Variants in ATP13A3 observed in about 807,000 individuals in gnomAD.
ATP13A3 encodes the protein ATPase 13A3, also known as polyamine-transporting ATPase 13A3.
Under a neutral mutation model 158.1 loss-of-function variants are expected in ATP13A3, and 59 were observed. That is an observed-to-expected ratio of 0.37 (90% CI 0.30 to 0.46). ATP13A3 has a LOEUF of 0.46. Among genes scored for constraint, ATP13A3 ranks in the 20% least tolerant of loss-of-function variants. ATP13A3 has a pLI of 1.00. For synonymous variants in ATP13A3, 491 were observed against 504.3 expected (o/e 0.97, Z 0.35); for missense variants, 1,166 against 1,525.2 (o/e 0.76, Z 3.92).
chr3:194,482,621 C>T (rs1011679559), intron 2 of ATP13A3, among the ~76,000 whole-genome samples: 14 of 152,160 alleles, frequency 9.2e-5, no homozygotes, highest in East Asian at 3.8e-4. Context: ...AAAACTCAAA[C>T]GAGAACCTAA....
At chr3:194,406,305 C>A (rs1273284799) in intron 33 of ATP13A3, among the ~76,000 whole-genome samples, 189 bp from the exon 34 acceptor site, 2 of 151,994 alleles carry the variant, frequency 1.3e-5, no homozygotes, top group African/African-American at 4.8e-5. Flanking sequence ...TGGCTCATGT[C>A]CGAAATCCCA....
At chr3:194,459,312 T>C (rs937764952) in intron 6 of ATP13A3, 159 bp downstream of exon 6, 4 of 618,086 alleles carry the variant, frequency 6.5e-6, no homozygotes, top group South Asian at 1.9e-5. Flanking sequence ...AAATGGCTAA[T>C]GAGCCTTCAA....
chr3:194,452,708 C>G (rs1025173754), intron 10 of ATP13A3: 2 of 152,170 alleles, frequency 1.3e-5, no homozygotes, highest in East Asian at 1.9e-4. Flanking sequence ...CTTCTCTCAG[C>G]CTCCCCTTAT....
At position 194,415,668 on chromosome 3, in the gene ATP13A3, T is replaced by G. The variant is rs1303641770; in HGVS notation, c.3403-1829A>C. 3.1e-4 allele frequency among the ~76,000 whole-genome samples: 39 copies of G among 126,300 alleles called. No individual in the cohort carries two copies. The East Asian group carries it at 5.6e-3, about 18-fold the overall frequency. 82.9% of individuals were successfully genotyped at this position (126,300 alleles called of 152,430 possible). ...GATTTACAATACCACATTCTTTTTT[T>G]TTTTTTTTTTTTTTTTTTTGAGACG... On this transcript the variant is annotated intron_variant, in intron 31 of 33. Coordinates refer to ENST00000645319, the MANE Select transcript of ATP13A3 (RefSeq NM_001367549.1).
intron 2 of ATP13A3, among the ~76,000 whole-genome samples, chr3:194,477,523 T>C (rs1010664917): frequency 3.3e-4 from 51 of 152,296 alleles, no homozygotes; most frequent in African/African-American, 1.2e-3. Flanking sequence ...AGTGACCTCA[T>C]GGAACTCTAC....
intron 31 of ATP13A3, 61 bp downstream of exon 31, chr3:194,419,818 A>C (rs1716158959): frequency 6.6e-7 from 1 of 1,519,474 alleles, no homozygotes; most frequent in African/African-American, 1.5e-5. Context: ...AGATCCTGGA[A>C]AAAAAGAAAT....
In ATP13A3 at chr3:194,450,229, C is replaced by G. The variant is rs771056504; in HGVS notation, c.886G>C (p.Val296Leu). The G allele has an allele frequency of 3.7e-6, 6 of 1,613,182 alleles. No homozygotes were observed. The East Asian group carries it at 1.3e-4, about 36-fold the overall frequency. The change falls in exon 11 of 34, where the codon GTC becomes CTC. Residue 296 changes from valine to leucine, a missense_variant. By Grantham distance (32) the Val-to-Leu change is conservative. Around this residue, in one of 3 missense-constraint regions of ATP13A3, gnomAD observed 997 missense variants for 1,341.2 expected, o/e 0.74. Coordinates refer to ENST00000645319, the MANE Select transcript of ATP13A3 (RefSeq NM_001367549.1). ...STDLVPGDVM[V>L]IPLNGTIMPC... ...ATTATTGTCCCATTTAATGGAATGACCATGACATCTCCTGGCACAAGGTCG... is the reference window on the plus strand; with the variant it reads ...ATTATTGTCCCATTTAATGGAATGAGCATGACATCTCCTGGCACAAGGTCG...
chr3:194,446,796 G>C, intron 14 of ATP13A3, 131 bp downstream of exon 14: 3 of 851,226 alleles, frequency 3.5e-6, no homozygotes, highest in East Asian at 2.7e-5. Context: ...CAAATAAGTG[G>C]AGGAAAAGGA....
chr3:194,465,360 T>C (rs1719925811), intron 2 of ATP13A3, among the ~76,000 whole-genome samples: 1 of 152,144 alleles, frequency 6.6e-6, no homozygotes, highest in African/African-American at 2.4e-5. Flanking sequence ...AGAACACGAC[T>C]GACCTGCAAG....
chr3:194,416,630 T>C (rs116264353), intron 31 of ATP13A3, among the ~76,000 whole-genome samples: 5,171 of 152,240 alleles, frequency 0.034, 374 homozygotes, highest in Admixed American at 0.18. Context: ...AAGACAAGGA[T>C]ATCACTATCA....
chr3:194,447,417 A>G (rs1718480527), intron 13 of ATP13A3, among the ~76,000 whole-genome samples: 1 of 152,180 alleles, frequency 6.6e-6, no homozygotes, highest in Non-Finnish European at 1.5e-5. Flanking sequence ...ATTATCAGAT[A>G]TTGACTCAGC....
intron 2 of ATP13A3, among the ~76,000 whole-genome samples, chr3:194,466,397 G>A (rs781482766): frequency 3.9e-5 from 6 of 152,272 alleles, no homozygotes; most frequent in African/African-American, 1.2e-4. Context: ...ACCAGTATCA[G>A]TAATAAGCAG....
intron 15 of ATP13A3, among the ~76,000 whole-genome samples, chr3:194,442,049 G>A (rs1434583381): frequency 2.0e-5 from 3 of 152,180 alleles, no homozygotes; most frequent in African/African-American, 7.2e-5. Flanking sequence ...TGAGAAAACT[G>A]AAGCAGGGTG....
At chr3:194,410,933 T>A in intron 33 of ATP13A3, among the ~76,000 whole-genome samples, 1 of 109,578 alleles carries the variant, frequency 9.1e-6, no homozygotes, top group South Asian at 3.2e-4. Context: ...GGTTGGGGTG[T>A]TGGGGTGTGT....
At chr3:194,465,636 A>C (rs951430419) in intron 2 of ATP13A3, among the ~76,000 whole-genome samples, 11 of 152,206 alleles carry the variant, frequency 7.2e-5, no homozygotes, top group Non-Finnish European at 1.3e-4. Context: ...TGCCTAACAA[A>C]GCTTAAACAT....
At chr3:194,462,266 G>A in intron 2 of ATP13A3, 30 bp from the exon 3 acceptor site, 2 of 1,374,822 alleles carry the variant, frequency 1.5e-6, no homozygotes, top group Non-Finnish European at 2.1e-6. Flanking sequence ...AGACGTTAGG[G>A]AACTATCTTC....
chr3:194,419,878 C>A lies in ATP13A3; in HGVS notation c.3402+1G>T. 3 of 1,560,762 alleles carry A rather than the reference C, an allele frequency of 1.9e-6. No homozygotes were observed. Among genetic ancestry groups the A allele is most frequent in the Non-Finnish European group, 2.6e-6 (3 of 1,164,942 alleles). On this transcript the variant is annotated splice_donor_variant, in intron 31 of 33. Coordinates refer to ENST00000645319, the MANE Select transcript of ATP13A3 (RefSeq NM_001367549.1). LOFTEE classifies it high-confidence loss of function. Reference sequence around the variant, plus strand: ...AAACAAATGATGTGCTTAAGTCTTACCTGAAGAACCTGGTCAACAGAGGCA... The same window carrying A: ...AAACAAATGATGTGCTTAAGTCTTAACTGAAGAACCTGGTCAACAGAGGCA...
intron 2 of ATP13A3, among the ~76,000 whole-genome samples, chr3:194,479,699 A>T (rs1016112034): frequency 6.6e-6 from 1 of 151,228 alleles, no homozygotes; most frequent in Non-Finnish European, 1.5e-5. Flanking sequence ...AGTCTTCTTT[A>T]AAAAAAAAGT....
chr3:194,465,390 C>T (rs1022872197), intron 2 of ATP13A3, among the ~76,000 whole-genome samples: 1 of 152,174 alleles, frequency 6.6e-6, no homozygotes, highest in African/African-American at 2.4e-5. Flanking sequence ...CTCAAGCCTT[C>T]AGCTGCGTAC....
Sources: allele counts gnomAD v4.1 joint callset (sites outside exome capture counted in the v4.1 genomes callset), GRCh38; gene constraint gnomAD v4.1.1; regional missense constraint gnomAD v4.1.1; transcripts MANE v1.5; gene names NCBI Gene and HGNC (gene_info 2026-07-23, HGNC 2026-07-21).